NUP85: variants seen among roughly 807,000 people sequenced by gnomAD.
The protein encoded by NUP85 is nuclear pore complex protein Nup85.
Under a neutral mutation model 92.8 loss-of-function variants are expected in NUP85, and 23 were observed. The observed-to-expected ratio is 0.25, with a 90% CI of 0.18 to 0.35. The LOEUF (loss-of-function observed/expected upper bound fraction) is 0.35. Among genes scored for constraint, NUP85 ranks in the 10% least tolerant of loss-of-function variants. The pLI, the probability that NUP85 is intolerant of heterozygous loss-of-function variation, is 1.00. For missense variants in NUP85, 759 were observed against 822.8 expected (o/e 0.92, Z 0.95); for synonymous variants, 314 against 306.9 (o/e 1.02, Z -0.24).
Position 75,231,684 on chromosome 17 carries a change from ATGCGGGTGC to A in NUP85, c.1244+47_1244+55del. On this transcript the variant is annotated intron_variant, in intron 13 of 18. Coordinates refer to ENST00000245544, the MANE Select transcript of NUP85 (RefSeq NM_024844.5). This position sits in a 1 kb window ranked among gnomAD's most constrained non-coding sequence, Gnocchi z 4.6. ...GTGGGCTATGCGGGTGCTCTTCAGCATGCGGGTGCCATTGGAGCTTGGACTGTTCTCTCC... is the reference window on the plus strand; with the variant it reads ...GTGGGCTATGCGGGTGCTCTTCAGCACATTGGAGCTTGGACTGTTCTCTCC... The A allele has an allele frequency of 6.3e-7, 1 of 1,579,894 alleles. No homozygotes were observed. The highest frequency in any genetic ancestry group is 8.5e-7 in the Non-Finnish European group (1 of 1,174,994).
At chr17:75,225,884 A>T in intron 10 of NUP85, 55 bp downstream of exon 10, 1 of 1,609,474 alleles carries the variant, frequency 6.2e-7, no homozygotes, top group African/African-American at 1.3e-5. Context: ...GGGCGCCCTG[A>T]TGGGTCATTC....
At position 75,231,719 on chromosome 17, in the gene NUP85, C is replaced by G; in HGVS notation, c.1244+81C>G. 1 of 1,602,294 alleles carries G rather than the reference C, an allele frequency of 6.2e-7. No homozygotes were observed. The highest frequency in any genetic ancestry group is 8.5e-7 in the Non-Finnish European group (1 of 1,170,114). Reference sequence around the variant, plus strand: ...CATTGGAGCTTGGACTGTTCTCTCCCAGTTGGCTCCTTGAAGGCTTCGGAA... The same window carrying G: ...CATTGGAGCTTGGACTGTTCTCTCCGAGTTGGCTCCTTGAAGGCTTCGGAA... On this transcript the variant is annotated intron_variant, in intron 13 of 18. Coordinates refer to ENST00000245544, the MANE Select transcript of NUP85 (RefSeq NM_024844.5). This position sits in a 1 kb window ranked among gnomAD's most constrained non-coding sequence, Gnocchi z 4.6.
Position 75,225,115 on chromosome 17 carries a change from G to T in NUP85, c.610G>T (p.Val204Leu), listed in dbSNP as rs759805202. The change falls in exon 8 of 19, where the codon GTG (valine) becomes TTG (leucine). Residue 204 changes from valine (V) to leucine (L), a missense_variant. Physicochemically the swap from Val to Leu is conservative, Grantham distance 32. Transcript: ENST00000245544. ...DSFWNLVTILVLQGRLDEARQ... is the reference protein window; with the variant it reads ...DSFWNLVTILLLQGRLDEARQ... Reference sequence around the variant, plus strand: ...GATCTCCTCCCAGGTGACCATCTTGGTGCTGCAGGGCCGGCTGGATGAGGC... The same window carrying T: ...GATCTCCTCCCAGGTGACCATCTTGTTGCTGCAGGGCCGGCTGGATGAGGC... 5.8e-6 allele frequency: 9 copies of T among 1,563,612 alleles called. No homozygotes were observed. The highest frequency in any genetic ancestry group is 7.8e-6 in the Non-Finnish European group (9 of 1,152,100).
In NUP85 at chr17:75,231,271, C is replaced by T; in HGVS notation, c.1095-69C>T. The T allele has an allele frequency of 6.9e-7, 1 of 1,442,476 alleles. No individual in the cohort carries two copies. Among genetic ancestry groups the T allele is most frequent in the South Asian group, 1.1e-5 (1 of 87,036 alleles). The allele number at this position is 1,442,476 out of a possible 1,614,324, so 89.4% of individuals were successfully genotyped here. On this transcript the variant is annotated intron_variant, in intron 11 of 18. Transcript: ENST00000245544. This position sits in a 1 kb window ranked among gnomAD's most constrained non-coding sequence, Gnocchi z 4.6. ...GACAGGACATGTGGGGTTTCTTGCT[C>T]ACCCCCACTCTTGTGGGACGCGGCC...
intron 11 of NUP85, chr17:75,228,853 CAG>C (rs1468039375): frequency 7.1e-6 from 7 of 985,330 alleles, no homozygotes; most frequent in African/African-American, 1.7e-5. Context: ...GATCCTGACT[CAG>C]AGGCTGTAGT....
In NUP85 at chr17:75,231,315, C is replaced by G. The variant is rs114077696; in HGVS notation, c.1095-25C>G. On this transcript the variant is annotated intron_variant, in intron 11 of 18. Coordinates refer to ENST00000245544, the MANE Select transcript of NUP85 (RefSeq NM_024844.5). This position sits in a 1 kb window ranked among gnomAD's most constrained non-coding sequence, Gnocchi z 4.6. ...CGCGGCCTGTGCCCTGATTTTCCTT[C>G]TTGCCTTGGTGTCTGAATCTGCAGC... 1.0e-3 allele frequency: 1,613 copies of G among 1,613,624 alleles called. 15 individuals are homozygous for G. The African/African-American group carries it at 0.019, about 19-fold the overall frequency.
chr17:75,217,594 C>T (rs1196555830), intron 6 of NUP85, among the ~76,000 whole-genome samples: 1 of 152,094 alleles, frequency 6.6e-6, no homozygotes, highest in African/African-American at 2.4e-5. Flanking sequence ...ACTGCAACCT[C>T]TGCCTCCTGG....
intron 11 of NUP85, chr17:75,229,204 G>T (rs552417502): frequency 2.5e-5 from 24 of 978,392 alleles, no homozygotes; most frequent in Admixed American, 1.2e-4. Context: ...CTTCTGACTT[G>T]TATTTTGGCC....
intron 6 of NUP85, among the ~76,000 whole-genome samples, chr17:75,217,443 C>A (rs2075465990): frequency 6.6e-6 from 1 of 151,856 alleles, no homozygotes; most frequent in Non-Finnish European, 1.5e-5. Flanking sequence ...CTCAAGCGAT[C>A]TGCCTGCCTC....
In NUP85 at chr17:75,217,766, G is replaced by A. The variant is rs78842315; in HGVS notation, c.476-419G>A. 7.6e-3 allele frequency among the ~76,000 whole-genome samples: 1,164 copies of A among 152,254 alleles called. 21 individuals carry two copies. The highest frequency in any genetic ancestry group is 0.026 in the African/African-American group (1,092 of 41,552). On this transcript the variant is annotated intron_variant, in intron 6 of 18. Coordinates refer to ENST00000245544, the MANE Select transcript of NUP85 (RefSeq NM_024844.5). ...AGATGATCCACCTGCCTTAGCCTCC[G>A]AAAGTGCTGGGATTCCAGGTGTGCA...
In NUP85 at chr17:75,225,917, A is replaced by C. The variant is rs978238839; in HGVS notation, c.987+88A>C. Reference sequence around the variant, plus strand: ...TTCTCTTTGAATTCCTCCCTGAGGAACAGGAAGACCCTTTCCTTTGGCCCT... The same window carrying C: ...TTCTCTTTGAATTCCTCCCTGAGGACCAGGAAGACCCTTTCCTTTGGCCCT... On this transcript the variant is annotated intron_variant, in intron 10 of 18. Transcript: ENST00000245544. 7 of 1,597,560 alleles carry C rather than the reference A, an allele frequency of 4.4e-6. No individual in the cohort carries two copies. The African/African-American group carries it at 9.4e-5, about 21-fold the overall frequency.
intron 11 of NUP85, chr17:75,228,950 G>T: frequency 1.0e-6 from 1 of 985,444 alleles, no homozygotes; most frequent in South Asian, 4.7e-5. Flanking sequence ...GCTGAAAGGA[G>T]ATGGCAGGAG....
Position 75,235,574 on chromosome 17 carries a change from G to A in NUP85, c.1870-4G>A, listed in dbSNP as rs777694757. The A allele has an allele frequency of 9.3e-6, 15 of 1,610,640 alleles. No homozygotes were observed. The Admixed American group carries it at 1.7e-4, about 18-fold the overall frequency. On this transcript the variant is annotated splice_region_variant and splice_polypyrimidine_tract_variant and intron_variant, in intron 18 of 18. Transcript: ENST00000245544. Reference sequence around the variant, plus strand: ...AGCTCATGCTGGCGCTCTCTGCTTTGCAGGATGATGACATAGAGACCACCA... The same window carrying A: ...AGCTCATGCTGGCGCTCTCTGCTTTACAGGATGATGACATAGAGACCACCA...
intron 14 of NUP85, among the ~76,000 whole-genome samples, 174 bp from the exon 15 acceptor site, chr17:75,232,675 TCC>T (rs2076118782): frequency 6.6e-6 from 1 of 152,104 alleles, no homozygotes; most frequent in Non-Finnish European, 1.5e-5. Context: ...TCTTAGCAGA[TCC>T]CAGACACTGT....
intron 7 of NUP85, among the ~76,000 whole-genome samples, chr17:75,220,497 T>G (rs2075566850): frequency 6.6e-6 from 1 of 151,876 alleles, no homozygotes; most frequent in African/African-American, 2.4e-5. Flanking sequence ...ACTGTAGCCT[T>G]GGCCTCCAGG....
chr17:75,207,912 C>A (rs1162483035), intron 1 of NUP85, among the ~76,000 whole-genome samples: 1 of 151,982 alleles, frequency 6.6e-6, no homozygotes, highest in Non-Finnish European at 1.5e-5. Context: ...ATCACTTGAA[C>A]CCAGCAGGCA....
At chr17:75,211,807 A>G (rs1317554085) in intron 3 of NUP85, among the ~76,000 whole-genome samples, 185 bp from the exon 4 acceptor site, 6 of 152,150 alleles carry the variant, frequency 3.9e-5, no homozygotes, top group African/African-American at 1.2e-4. Context: ...ACTTTAGCCC[A>G]TGGGTTGTTT....
chr17:75,235,008 A>G, intron 17 of NUP85, 92 bp from the exon 18 acceptor site: 1 of 1,121,018 alleles, frequency 8.9e-7, no homozygotes. Flanking sequence ...TGCGAAGGGT[A>G]TGAAAGGAAG....
intron 14 of NUP85, among the ~76,000 whole-genome samples, chr17:75,232,396 C>G (rs1486572764): frequency 1.3e-5 from 2 of 152,140 alleles, no homozygotes; most frequent in Non-Finnish European, 2.9e-5. Flanking sequence ...TTCATTTCTC[C>G]CCTCACTGTT....
Sources: gnomAD v4.1 joint callset for allele counts (sites outside exome capture counted in the v4.1 genomes callset) on GRCh38, gnomAD v4.1.1 for gene constraint, Gnocchi (gnomAD v3.1) non-coding constraint, MANE v1.5 for transcripts, NCBI Gene and HGNC (gene_info 2026-07-23, HGNC 2026-07-21) for gene names.